Variants in SSR1 observed in about 807,000 individuals in gnomAD.
The protein encoded by SSR1 is translocon-associated protein subunit alpha.
Under a neutral mutation model 36.1 loss-of-function variants are expected in SSR1, and 13 were observed. The observed-to-expected ratio is 0.36, with a 90% CI of 0.23 to 0.57. The LOEUF is 0.57. SSR1 is among the 20% of genes least tolerant of loss of function. The pLI, the probability that SSR1 is intolerant of heterozygous loss-of-function variation, is 0.81. For missense variants in SSR1, 291 were observed against 338.5 expected (o/e 0.86, Z 1.10); for synonymous variants, 113 against 118.9 (o/e 0.95, Z 0.32).
rs539244602 is a variant in SSR1, at chr6:7,297,064, T to C, written c.699+859A>G. ...GGCGAAACCCTGTCTCTACAAAACA[T>C]ACAAAAATTAGCTGGGTGTGGTGGC... On this transcript the variant is annotated intron_variant, in intron 6 of 7. Coordinates refer to ENST00000244763, the MANE Select transcript of SSR1 (RefSeq NM_003144.5). 146 of 289,984 alleles carry C rather than the reference T, an allele frequency of 5.0e-4. 4 individuals are homozygous for C. The highest frequency in any genetic ancestry group is 3.7e-3 in the South Asian group (146 of 39,660). 18.0% of individuals were successfully genotyped at this position (289,984 alleles called of 1,614,324 possible).
chr6:7,304,859 C>T (rs1393039289), intron 2 of SSR1, among the ~76,000 whole-genome samples: 1 of 152,172 alleles, frequency 6.6e-6, no homozygotes, highest in Non-Finnish European at 1.5e-5. Flanking sequence ...ATAGATAAAA[C>T]TTGTCAAGAG....
At position 7,308,639 on chromosome 6, in the gene SSR1, C is replaced by T. The variant is rs80236908; in HGVS notation, c.192+1278G>A. ...ACATAGTAAACATTTCAGAGCTGAACAACTTTTAAGAGATCTTCTCTAACC... is the reference window on the plus strand; with the variant it reads ...ACATAGTAAACATTTCAGAGCTGAATAACTTTTAAGAGATCTTCTCTAACC... On this transcript the variant is annotated intron_variant, in intron 2 of 7. Transcript: ENST00000244763. Among the ~76,000 whole-genome samples the T allele has an allele frequency of 4.6e-3, 696 of 152,244 alleles. 4 individuals carry two copies. The highest frequency in any genetic ancestry group is 0.016 in the African/African-American group (661 of 41,532).
intron 1 of SSR1, among the ~76,000 whole-genome samples, chr6:7,311,804 TCA>T (rs1758199719): frequency 6.6e-6 from 1 of 152,198 alleles, no homozygotes; most frequent in South Asian, 2.1e-4. Context: ...AGATATTAAT[TCA>T]GTTTAGATAA....
At chr6:7,300,011 G>C (rs1233603127) in intron 4 of SSR1, among the ~76,000 whole-genome samples, 5 of 151,922 alleles carry the variant, frequency 3.3e-5, no homozygotes, top group Admixed American at 3.3e-4. Flanking sequence ...GAATTTAAAA[G>C]AAGGAACTAA....
In SSR1 at chr6:7,301,448, C is replaced by G; in HGVS notation, c.405G>C (p.Gln135His). Residue 135 changes from glutamine (Q) to histidine (H), a missense_variant, in exon 4 of 8, where the codon CAG becomes CAC. Coordinates refer to ENST00000244763, the MANE Select transcript of SSR1 (RefSeq NM_003144.5). The stretch of plus-strand genomic sequence containing the variant: ...TGTTCAGAGGAAGAGCTGTGAAATT[C>G]TGGATATAAAACTGGTAGTCCTGAG... ...RYPQDYQFYI[Q>H]NFTALPLNTV... 6.2e-7 allele frequency: 1 copy of G among 1,614,096 alleles called. No individual in the cohort carries two copies. The highest frequency in any genetic ancestry group is 8.5e-7 in the Non-Finnish European group (1 of 1,180,024).
rs551117628 is a variant in SSR1 at position 7,282,357 on chromosome 6, C to T, written c.*7507G>A. On this transcript the variant is annotated 3_prime_UTR_variant, in exon 8 of 8. Transcript: ENST00000244763. ...GCACAAGAGAAAAACAGCCAGAGAC[C>T]GAGAAAACGGCGGGAAGGAAAGGTT... 3 of 152,228 alleles carry T rather than the reference C, an allele frequency of 2.0e-5. No individual in the cohort carries two copies. Among genetic ancestry groups the T allele is most frequent in the East Asian group, 1.9e-4 (1 of 5,180 alleles). The allele number at this position is 152,228 out of a possible 1,614,324, so 9.4% of individuals were successfully genotyped here.
intron 6 of SSR1, 77 bp from the exon 7 acceptor site, chr6:7,295,562 G>C: frequency 9.2e-7 from 1 of 1,086,482 alleles, no homozygotes; most frequent in Middle Eastern, 2.8e-4. Context: ...AAGAGTTGAG[G>C]TCTTGCTATG....
At chr6:7,303,254 G>A (rs1460201148) in intron 3 of SSR1, among the ~76,000 whole-genome samples, 1 of 151,840 alleles carries the variant, frequency 6.6e-6, no homozygotes, top group Admixed American at 6.6e-5. Context: ...TTAAACCTGG[G>A]AGGTGAAGGT....
chr6:7,294,915 T>C, intron 7 of SSR1: 1 of 483,856 alleles, frequency 2.1e-6, no homozygotes, highest in Non-Finnish European at 3.5e-6. Context: ...TAAAATAAAT[T>C]GTCGGGTAAT....
intron 2 of SSR1, among the ~76,000 whole-genome samples, chr6:7,308,247 C>T (rs1758114181): frequency 6.6e-6 from 1 of 151,978 alleles, no homozygotes; most frequent in Non-Finnish European, 1.5e-5. Context: ...ACATCCTATC[C>T]AGATAAAACA....
chr6:7,299,385 A>G (rs536313252), intron 4 of SSR1, among the ~76,000 whole-genome samples: 46 of 152,206 alleles, frequency 3.0e-4, no homozygotes, highest in Non-Finnish European at 5.7e-4. Context: ...GATCGGAACA[A>G]AAGTTAAATT....
In SSR1 at chr6:7,286,362, C is replaced by T. The variant is rs1397119252; in HGVS notation, c.*3502G>A. 1 of 152,110 alleles carries T rather than the reference C, an allele frequency of 6.6e-6. No individual in the cohort carries two copies. Among genetic ancestry groups the T allele is most frequent in the African/African-American group, 2.4e-5 (1 of 41,396 alleles). 9.4% of individuals were successfully genotyped at this position (152,110 alleles called of 1,614,324 possible). A position where few individuals can be genotyped will look rare whatever the true frequency, so the allele number is the denominator to read the frequency against. On this transcript the variant is annotated 3_prime_UTR_variant, in exon 8 of 8. Transcript: ENST00000244763. ...AAAATCCATTAGTAACATTCATAAG[C>T]ACCCGAAATAAATTATTTAGATGTT...
At chr6:7,306,990 C>T (rs1378129737) in intron 2 of SSR1, among the ~76,000 whole-genome samples, 5 of 150,688 alleles carry the variant, frequency 3.3e-5, no homozygotes, top group Non-Finnish European at 4.4e-5. Context: ...AAATTCTAAA[C>T]CAATAACCTG....
At chr6:7,305,015 A>T (rs1455617865) in intron 2 of SSR1, among the ~76,000 whole-genome samples, 1 of 152,242 alleles carries the variant, frequency 6.6e-6, no homozygotes, top group Non-Finnish European at 1.5e-5. Context: ...TTCATTTAGT[A>T]AGAGTAAGTT....
chr6:7,290,017 T>C, intron 7 of SSR1, 86 bp from the exon 8 acceptor site: 1 of 1,138,148 alleles, frequency 8.8e-7, no homozygotes, highest in Non-Finnish European at 1.2e-6. Context: ...ACCTTCAACT[T>C]TACCACTAAG....
At chr6:7,312,504 G>A (rs891729504) in intron 1 of SSR1, among the ~76,000 whole-genome samples, 6 of 152,172 alleles carry the variant, frequency 3.9e-5, no homozygotes, top group Non-Finnish European at 7.3e-5. Flanking sequence ...CGTGAACAAG[G>A]CAGATGACCA....
intron 2 of SSR1, among the ~76,000 whole-genome samples, 173 bp from the exon 3 acceptor site, chr6:7,303,810 AC>A (rs1481898053): frequency 6.6e-6 from 1 of 152,174 alleles, no homozygotes; most frequent in African/African-American, 2.4e-5. Flanking sequence ...ACATGGCGAA[AC>A]CCCGTTCTCT....
At chr6:7,295,514 G>C in intron 6 of SSR1, 29 bp from the exon 7 acceptor site, 1 of 1,489,378 alleles carries the variant, frequency 6.7e-7, no homozygotes, top group Non-Finnish European at 9.2e-7. Context: ...ATATTTTAAA[G>C]GAGTTCCGTT....
chr6:7,291,415 G>T (rs1757677607), intron 7 of SSR1, among the ~76,000 whole-genome samples: 1 of 151,930 alleles, frequency 6.6e-6, no homozygotes, highest in Admixed American at 6.6e-5. Flanking sequence ...AATAAAAAAA[G>T]TTAAGGGCTA....
Sources: gnomAD v4.1 joint callset for allele counts (sites outside exome capture counted in the v4.1 genomes callset) on GRCh38, gnomAD v4.1.1 for gene constraint, MANE v1.5 for transcripts, NCBI Gene and HGNC (gene_info 2026-07-23, HGNC 2026-07-21) for gene names.